The following DDHD1 variants were observed in gnomAD, a reference collection of about 807,000 sequenced individuals.
The protein encoded by DDHD1 is phospholipase DDHD1.
DDHD1 carries 49 observed loss-of-function variants against 96.4 expected under a neutral mutation model. The ratio of observed to expected loss-of-function variants is 0.51; its 90% confidence interval spans 0.40 to 0.64. DDHD1 has a LOEUF of 0.64. Among genes scored for constraint, DDHD1 ranks in the 30% least tolerant of loss-of-function variants. The probability of loss-of-function intolerance (pLI) is 0.00; values close to 1 mark genes in which losing one functional copy is unlikely to be tolerated. For missense variants in DDHD1, 1,106 were observed against 1,161.2 expected (o/e 0.95, Z 0.69); for synonymous variants, 442 against 446.5 (o/e 0.99, Z 0.13).
At chr14:53,059,106 T>C (rs1397843938) in intron 8 of DDHD1, among the ~76,000 whole-genome samples, 2 of 152,246 alleles carry the variant, frequency 1.3e-5, no homozygotes, top group South Asian at 2.1e-4. Context: ...GGAGGTAGCA[T>C]ATGCATTGGC....
intron 4 of DDHD1, among the ~76,000 whole-genome samples, chr14:53,082,350 T>C (rs908513577): frequency 1.3e-5 from 2 of 151,728 alleles, no homozygotes; most frequent in Admixed American, 6.6e-5. Context: ...GGTAAACTAA[T>C]TGGTTTTAAG....
In DDHD1 at chr14:53,062,737, A is replaced by G. The variant is rs184319078; in HGVS notation, c.1766+206T>C. ...TGAAAGGAAAACAAGGAGAATAACA[A>G]AAGAATTTATTTTATGCTACAGGAA... On this transcript the variant is annotated intron_variant, in intron 7 of 12. Transcript: ENST00000673822. 4.6e-5 allele frequency among the ~76,000 whole-genome samples: 7 copies of G among 152,294 alleles called. No individual in the cohort carries two copies. The East Asian group carries it at 1.4e-3, about 29-fold the overall frequency.
chr14:53,040,626 A>G lies in DDHD1; in HGVS notation c.*6142T>C, dbSNP rs1334915646. On this transcript the variant is annotated 3_prime_UTR_variant, in exon 13 of 13. Coordinates refer to ENST00000673822, the MANE Select transcript of DDHD1 (RefSeq NM_001160148.2). ...GAGAAAATCAGAACTGGACAATGCC[A>G]GAATAAAAGTTTAAAGTTTCTGTCA... is the stretch of plus-strand genomic sequence containing the variant. The G allele has an allele frequency of 6.6e-6, 1 of 152,234 alleles. No homozygotes were observed. The highest frequency in any genetic ancestry group is 2.4e-5 in the African/African-American group (1 of 41,464). 9.4% of individuals were successfully genotyped at this position (152,234 alleles called of 1,614,324 possible). A position where few individuals can be genotyped will look rare whatever the true frequency, so the allele number is the denominator to read the frequency against.
At chr14:53,077,158 T>C (rs61985088) in intron 4 of DDHD1, among the ~76,000 whole-genome samples, 24,159 of 152,176 alleles carry the variant, frequency 0.16, 2,297 homozygotes, top group East Asian at 0.33. Context: ...TAGTTAGTTA[T>C]AGGGGCTTCA....
At chr14:53,098,175 T>G (rs1887029567) in intron 2 of DDHD1, among the ~76,000 whole-genome samples, 1 of 152,048 alleles carries the variant, frequency 6.6e-6, no homozygotes, top group African/African-American at 2.4e-5. Context: ...CAGTTTTAGT[T>G]AGAAATTCTT....
chr14:53,125,923 G>C lies in DDHD1; in HGVS notation c.839-22067C>G, dbSNP rs146372231. On this transcript the variant is annotated intron_variant, in intron 1 of 12. Transcript: ENST00000673822. ...TCACCATGTTGACCAGGCTGGTCTCGAACTCCTGACCTCGTGATCTGCCTG... is the reference window on the plus strand; with the variant it reads ...TCACCATGTTGACCAGGCTGGTCTCCAACTCCTGACCTCGTGATCTGCCTG... Among the ~76,000 whole-genome samples, 3 of 152,200 alleles carry C rather than the reference G, an allele frequency of 2.0e-5. No homozygotes were observed. The East Asian group carries it at 5.8e-4, about 29-fold the overall frequency.
intron 1 of DDHD1, among the ~76,000 whole-genome samples, chr14:53,115,826 G>A (rs894429575): frequency 6.6e-6 from 1 of 152,124 alleles, no homozygotes; most frequent in Non-Finnish European, 1.5e-5. Context: ...CAAATGATGT[G>A]CAAAATAACC....
chr14:53,107,553 G>A (rs1887783426), intron 1 of DDHD1, among the ~76,000 whole-genome samples: 1 of 152,226 alleles, frequency 6.6e-6, no homozygotes, highest in Non-Finnish European at 1.5e-5. Context: ...TACTTTGGGA[G>A]GCCGAGGCAG....
intron 1 of DDHD1, among the ~76,000 whole-genome samples, chr14:53,138,639 TAAG>T (rs1446025514): frequency 6.6e-6 from 1 of 151,960 alleles, no homozygotes; most frequent in Non-Finnish European, 1.5e-5. Flanking sequence ...AACTAACTAA[TAAG>T]AAAAATAATA....
chr14:53,150,818 CAT>C (rs1891291035), intron 1 of DDHD1, among the ~76,000 whole-genome samples: 1 of 152,120 alleles, frequency 6.6e-6, no homozygotes, highest in Non-Finnish European at 1.5e-5. Flanking sequence ...CCGTTATGCA[CAT>C]ATAAATATTC....
At chr14:53,049,429 A>G (rs1476563962) in intron 12 of DDHD1, among the ~76,000 whole-genome samples, 3 of 152,178 alleles carry the variant, frequency 2.0e-5, no homozygotes, top group African/African-American at 7.2e-5. Flanking sequence ...AGGTGGGCCT[A>G]TGTTCCATCT....
rs899233237 is a variant in DDHD1, at chr14:53,046,216, G to C, written c.*552C>G. On this transcript the variant is annotated 3_prime_UTR_variant, in exon 13 of 13. Coordinates refer to ENST00000673822, the MANE Select transcript of DDHD1 (RefSeq NM_001160148.2). Reference sequence around the variant, plus strand: ...ATACACTGAAATAAAGCAATTAGAGGTAATAAATTATAAATACAGTAGTTC... The same window carrying C: ...ATACACTGAAATAAAGCAATTAGAGCTAATAAATTATAAATACAGTAGTTC... 1.3e-5 allele frequency: 2 copies of C among 152,088 alleles called. No homozygotes were observed. The highest frequency in any genetic ancestry group is 4.8e-5 in the African/African-American group (2 of 41,418). 9.4% of individuals were successfully genotyped at this position (152,088 alleles called of 1,614,324 possible).
Position 53,039,629 on chromosome 14 carries a change from T to C in DDHD1, c.*7139A>G, listed in dbSNP as rs1457419260. 6.6e-6 allele frequency: 1 copy of C among 152,260 alleles called. No individual in the cohort carries two copies. The highest frequency in any genetic ancestry group is 1.5e-5 in the Non-Finnish European group (1 of 68,058). 9.4% of individuals were successfully genotyped at this position (152,260 alleles called of 1,614,324 possible). On this transcript the variant is annotated 3_prime_UTR_variant, in exon 13 of 13. Transcript: ENST00000673822. The stretch of plus-strand genomic sequence containing the variant: ...TGGGCAGACAAAAACAGGTAGCCAG[T>C]ACAATAACTAAAATGCAAGCATTTA...
At chr14:53,142,432 G>T (rs1283967276) in intron 1 of DDHD1, among the ~76,000 whole-genome samples, 1 of 149,538 alleles carries the variant, frequency 6.7e-6, no homozygotes, top group Non-Finnish European at 1.5e-5. Flanking sequence ...AAGAAGAATT[G>T]TGGGCCATTT....
chr14:53,049,576 T>C (rs1205216998), intron 12 of DDHD1, among the ~76,000 whole-genome samples: 1 of 151,360 alleles, frequency 6.6e-6, no homozygotes, highest in Non-Finnish European at 1.5e-5. Flanking sequence ...TAGGACCTAC[T>C]TTCTCATTAT....
chr14:53,086,311 G>A (rs1355118956), intron 4 of DDHD1, among the ~76,000 whole-genome samples: 1 of 152,086 alleles, frequency 6.6e-6, no homozygotes, highest in African/African-American at 2.4e-5. Context: ...ACACCACAAA[G>A]ATACTCCTCG....
At chr14:53,058,701 A>C (rs964753790) in intron 8 of DDHD1, 75 bp from the exon 9 acceptor site, 2 of 1,300,056 alleles carry the variant, frequency 1.5e-6, no homozygotes, top group African/African-American at 1.5e-5. Flanking sequence ...GCATAACGTA[A>C]TATATGGCAA....
At chr14:53,085,982 A>G (rs1351073178) in intron 4 of DDHD1, among the ~76,000 whole-genome samples, 1 of 152,244 alleles carries the variant, frequency 6.6e-6, no homozygotes, top group Non-Finnish European at 1.5e-5. Flanking sequence ...GAAAACCATG[A>G]CACGAGAACT....
At chr14:53,106,476 C>G (rs989642051) in intron 1 of DDHD1, among the ~76,000 whole-genome samples, 1 of 152,040 alleles carries the variant, frequency 6.6e-6, no homozygotes, top group African/African-American at 2.4e-5. Flanking sequence ...CTAGCCAACA[C>G]AGCAAAACCC....
Sources: allele counts gnomAD v4.1 joint callset (sites outside exome capture counted in the v4.1 genomes callset), GRCh38; gene constraint gnomAD v4.1.1; transcripts MANE v1.5; gene names NCBI Gene and HGNC (gene_info 2026-07-23, HGNC 2026-07-21).